The following BCAR3 variants were observed in gnomAD, a reference collection of about 807,000 sequenced individuals.
The protein encoded by BCAR3 is BCAR3 adaptor protein, NSP family member.
In BCAR3, 37 loss-of-function variants were observed where a neutral mutation model predicts 80.1. That is an observed-to-expected ratio of 0.46 (90% confidence interval 0.36 to 0.61). The LOEUF (loss-of-function observed/expected upper bound fraction) is 0.61. BCAR3 is among the 20% of genes least tolerant of loss of function. The pLI is 0.00. For missense variants in BCAR3, 978 were observed against 1,068.2 expected (o/e 0.92, Z 1.18); for synonymous variants, 389 against 418.9 (o/e 0.93, Z 0.87).
intron 7 of BCAR3, among the ~76,000 whole-genome samples, chr1:93,577,273 C>CA (rs1553227405): frequency 0.16 from 24,968 of 152,132 alleles, 2,255 homozygotes; most frequent in Non-Finnish European, 0.2. Context: ...AGGCATGGGA[C>CA]GGTTCCTCTC....
At chr1:93,828,851 C>G (rs568228116) in intron 2 of BCAR3, among the ~76,000 whole-genome samples, 92 of 152,228 alleles carry the variant, frequency 6.0e-4, no homozygotes, top group South Asian at 8.3e-4. Context: ...TGCTACCACA[C>G]CCGGCTAATT....
chr1:93,612,284 A>G (rs1674974226), intron 3 of BCAR3, among the ~76,000 whole-genome samples: 1 of 152,152 alleles, frequency 6.6e-6, no homozygotes, highest in Non-Finnish European at 1.5e-5. Context: ...CAAACTGGGA[A>G]TAGAGTAGAA....
chr1:93,751,195 G>A (rs1027266594), intron 2 of BCAR3, among the ~76,000 whole-genome samples: 9 of 152,120 alleles, frequency 5.9e-5, no homozygotes, highest in South Asian at 2.1e-4. Context: ...GTTCCATGGG[G>A]AGGAAGTGGC....
rs1380998116 is a variant in BCAR3, at chr1:93,662,738, T to C, written c.317+11876A>G. Among the ~76,000 whole-genome samples, 7 of 152,194 alleles carry C rather than the reference T, an allele frequency of 4.6e-5. 1 individual carries two copies. Among genetic ancestry groups the C allele is most frequent in the Admixed American group, 2.6e-4 (4 of 15,276 alleles). ...GTAACCCCAGGAACTAAAGTTAATC[T>C]GGTATGACTGGCTTTTAGCAAAGCC... On this transcript the variant is annotated intron_variant, in intron 2 of 11. Transcript: ENST00000260502.
At chr1:93,572,796 C>T (rs950908615) in intron 8 of BCAR3, among the ~76,000 whole-genome samples, 1 of 152,218 alleles carries the variant, frequency 6.6e-6, no homozygotes, top group African/African-American at 2.4e-5. Context: ...GCCACTCTGT[C>T]CTGAACGTTC....
intron 2 of BCAR3, among the ~76,000 whole-genome samples, chr1:93,666,762 C>T (rs1212504458): frequency 2.0e-5 from 3 of 152,204 alleles, no homozygotes; most frequent in Admixed American, 2.0e-4. Flanking sequence ...TATTTTAGTG[C>T]ACTGCGTAGT....
chr1:93,592,580 A>G lies in BCAR3; in HGVS notation c.358-187T>C. On this transcript the variant is annotated intron_variant, in intron 3 of 11. Coordinates refer to ENST00000260502, the MANE Select transcript of BCAR3 (RefSeq NM_003567.4). This position sits in a 1 kb window ranked among gnomAD's most constrained non-coding sequence, Gnocchi z 4.8. ...TCTCCGGCCGCAACCATGTAATAAA[A>G]TTTTCACCTGCACATGGGGACTATG... 4 of 703,762 alleles carry G rather than the reference A, an allele frequency of 5.7e-6. No homozygotes were observed. Among genetic ancestry groups the G allele is most frequent in the Non-Finnish European group, 8.8e-6 (4 of 454,234 alleles). 43.6% of individuals were successfully genotyped at this position (703,762 alleles called of 1,614,324 possible). A position where few individuals can be genotyped will look rare whatever the true frequency, so the allele number is the denominator to read the frequency against.
At chr1:93,585,352 G>C (rs1348453890) in intron 5 of BCAR3, among the ~76,000 whole-genome samples, 3 of 152,250 alleles carry the variant, frequency 2.0e-5, no homozygotes, top group Non-Finnish European at 2.9e-5. Context: ...TGGGCGTGCT[G>C]CGTGTACAAA....
At chr1:93,698,542 T>A (rs1649509181) in intron 3 of BCAR3, among the ~76,000 whole-genome samples, 2 of 152,012 alleles carry the variant, frequency 1.3e-5, no homozygotes, top group African/African-American at 4.8e-5. Flanking sequence ...TCCCACTCAC[T>A]CCAAGCCTAC....
intron 3 of BCAR3, among the ~76,000 whole-genome samples, chr1:93,612,674 C>T (rs1334991528): frequency 6.6e-6 from 1 of 152,174 alleles, no homozygotes; most frequent in Non-Finnish European, 1.5e-5. Context: ...CTGTTAATGG[C>T]ATGACTTCAT....
intron 2 of BCAR3, among the ~76,000 whole-genome samples, chr1:93,735,104 T>A (rs1261334334): frequency 6.6e-6 from 1 of 152,206 alleles, no homozygotes; most frequent in Non-Finnish European, 1.5e-5. Context: ...TCTAGACACA[T>A]AACAGGGCTC....
At chr1:93,814,082 G>C (rs755626624) in intron 2 of BCAR3, among the ~76,000 whole-genome samples, 10 of 152,132 alleles carry the variant, frequency 6.6e-5, no homozygotes, top group Non-Finnish European at 1.0e-4. Context: ...AGTGTATCTT[G>C]TCAGGGAGCA....
chr1:93,809,687 G>C (rs1653763064), intron 2 of BCAR3, among the ~76,000 whole-genome samples: 1 of 150,096 alleles, frequency 6.7e-6, no homozygotes, highest in African/African-American at 2.5e-5. Flanking sequence ...AGAATTGCTT[G>C]AACCTGGGAG....
intron 2 of BCAR3, among the ~76,000 whole-genome samples, chr1:93,836,223 T>C (rs762640611): frequency 1.5e-4 from 23 of 152,166 alleles, no homozygotes; most frequent in Non-Finnish European, 3.2e-4. Flanking sequence ...GGCCCCAGTC[T>C]CATTTCAGAC....
At chr1:93,819,742 C>T (rs1654150892) in intron 2 of BCAR3, among the ~76,000 whole-genome samples, 1 of 152,062 alleles carries the variant, frequency 6.6e-6, no homozygotes, top group Non-Finnish European at 1.5e-5. Context: ...TATATATTTC[C>T]AGTTATTTAT....
At chr1:93,616,256 T>A (rs1168824266) in intron 3 of BCAR3, among the ~76,000 whole-genome samples, 1 of 152,212 alleles carries the variant, frequency 6.6e-6, no homozygotes, top group Admixed American at 6.5e-5. Flanking sequence ...TTCCTAAGCA[T>A]CTTTTATTTT....
At chr1:93,564,088 A>G (rs1672820473) in intron 11 of BCAR3, among the ~76,000 whole-genome samples, 2 of 151,826 alleles carry the variant, frequency 1.3e-5, no homozygotes, top group Admixed American at 1.3e-4. Flanking sequence ...GAATGCTTTG[A>G]ACATCTTTTC....
At chr1:93,584,478 A>G (rs1363889561) in intron 5 of BCAR3, among the ~76,000 whole-genome samples, 1 of 152,244 alleles carries the variant, frequency 6.6e-6, no homozygotes, top group Non-Finnish European at 1.5e-5. Context: ...AACAGAGCCT[A>G]AAATTACTTA....
At chr1:93,617,433 C>T (rs1301406773) in intron 3 of BCAR3, among the ~76,000 whole-genome samples, 2 of 152,200 alleles carry the variant, frequency 1.3e-5, no homozygotes, top group Non-Finnish European at 2.9e-5. Flanking sequence ...CACTGAGGCA[C>T]TCTTGGGCTT....
Sources: gnomAD v4.1 joint callset for allele counts (sites outside exome capture counted in the v4.1 genomes callset) on GRCh38, gnomAD v4.1.1 for gene constraint, Gnocchi (gnomAD v3.1) non-coding constraint, MANE v1.5 for transcripts, NCBI Gene and HGNC (gene_info 2026-07-23, HGNC 2026-07-21) for gene names.